NCSTN: variants seen among roughly 807,000 people sequenced by gnomAD.
The protein encoded by NCSTN is anterior pharynx-defective 2.
A neutral mutation model predicts 87.0 loss-of-function variants in NCSTN; 22 were observed. That is an observed-to-expected ratio of 0.25 (90% CI 0.18 to 0.36). The LOEUF is 0.36. NCSTN is among the 10% of genes least tolerant of loss of function. The probability of loss-of-function intolerance (pLI) is 1.00; values close to 1 mark genes in which losing one functional copy is unlikely to be tolerated. For synonymous variants in NCSTN, 306 were observed against 327.1 expected (o/e 0.94, Z 0.69); for missense variants, 693 against 883.3 (o/e 0.78, Z 2.73).
chr1:160,344,355 A>G, intron 1 of NCSTN: 5 of 976,798 alleles, frequency 5.1e-6, no homozygotes, highest in Non-Finnish European at 7.3e-6. Context: ...GCACCTGTGT[A>G]TTAACCAATT....
chr1:160,353,227 T>A lies in NCSTN; in HGVS notation c.1169T>A (p.Val390Glu). The A allele has an allele frequency of 6.2e-7, 1 of 1,614,170 alleles. No individual in the cohort carries two copies. Among genetic ancestry groups the A allele is most frequent in the Non-Finnish European group, 8.5e-7 (1 of 1,180,026 alleles). Reference sequence around the variant, plus strand: ...CCTGTTTCTCAGAAAAATGAGTCTGTACGGAACCAGGTAACCTGAGCATCT... The same window carrying A: ...CCTGTTTCTCAGAAAAATGAGTCTGAACGGAACCAGGTAACCTGAGCATCT... ...TDPVSQKNES[V>E]RNQVEDLLAT... The change falls in exon 10 of 17, where the codon GTA (valine) becomes GAA (glutamate). Residue 390 changes from valine (V) to glutamate (E), a missense_variant. Around this residue, in one of 4 missense-constraint regions of NCSTN, gnomAD observed 108 missense variants for 111.6 expected, o/e 0.97. Transcript: ENST00000294785.
In NCSTN at chr1:160,356,696, T is replaced by C; in HGVS notation, c.1736T>C (p.Val579Ala). The C allele has an allele frequency of 6.2e-7, 1 of 1,614,196 alleles. No individual in the cohort carries two copies. The highest frequency in any genetic ancestry group is 8.5e-7 in the Non-Finnish European group (1 of 1,180,032). ...YALANLTGTV[V>A]NLTREQCQDP... is the part of the protein sequence containing the mutation. ...TTGGCAAATTTGACTGGCACAGTGG[T>C]CAACCTCACCCGAGAGCAGTGCCAG... Residue 579 changes from valine (V) to alanine (A), a missense_variant, in exon 15 of 17, where the codon GTC (valine) becomes GCC (alanine). Around this residue, in one of 4 missense-constraint regions of NCSTN, gnomAD observed 216 missense variants for 311.7 expected, o/e 0.69. Transcript: ENST00000294785.
At chr1:160,350,004 G>A in intron 4 of NCSTN, 101 bp from the exon 5 acceptor site, 3 of 1,420,322 alleles carry the variant, frequency 2.1e-6, no homozygotes, top group Non-Finnish European at 3.0e-6. Context: ...ACCTCCTTTT[G>A]AACTCTTAGT....
rs201147560 is a variant in NCSTN, at chr1:160,352,999, G to T, written c.1101+8G>T. 1.2e-6 allele frequency: 2 copies of T among 1,607,544 alleles called. No homozygotes were observed. Among genetic ancestry groups the T allele is most frequent in the Non-Finnish European group, 1.7e-6 (2 of 1,174,044 alleles). On this transcript the variant is annotated splice_region_variant and intron_variant, in intron 9 of 16. Transcript: ENST00000294785. ...TTTGTGGAGCTGGGACAGGTATGTG[G>T]CATGTCCCCCAGCCCCTTCCTTTTT...
At chr1:160,347,552 G>A (rs1374097911) in intron 2 of NCSTN, among the ~76,000 whole-genome samples, 3 of 152,160 alleles carry the variant, frequency 2.0e-5, no homozygotes, top group Non-Finnish European at 4.4e-5. Flanking sequence ...TTAGAATCCA[G>A]GTTTTTTTCA....
chr1:160,352,087 C>T lies in NCSTN; in HGVS notation c.877C>T (p.Pro293Ser). Residue 293 changes from proline (P) to serine (S), a missense_variant, in exon 8 of 17, where the codon CCA becomes TCA. Pro to Ser is a moderately conservative substitution (Grantham distance 74). Transcript: ENST00000294785. ...TCGTTCCTTTTTCTGGAATGTGGCCCCAGGGGCTGAAAGCGCAGTGGCTTC... is the reference window on the plus strand; with the variant it reads ...TCGTTCCTTTTTCTGGAATGTGGCCTCAGGGGCTGAAAGCGCAGTGGCTTC... ...DSRSFFWNVAPGAESAVASFV... is the reference protein window; with the variant it reads ...DSRSFFWNVASGAESAVASFV... 1 of 1,614,186 alleles carries T rather than the reference C, an allele frequency of 6.2e-7. No homozygotes were observed. Among genetic ancestry groups the T allele is most frequent in the South Asian group, 1.1e-5 (1 of 91,080 alleles).
chr1:160,344,392 C>A, intron 1 of NCSTN: 1 of 1,278,602 alleles, frequency 7.8e-7, no homozygotes, highest in South Asian at 1.6e-5. Flanking sequence ...GATATACAAG[C>A]AGAAGTGTGA....
intron 14 of NCSTN, 109 bp downstream of exon 14, chr1:160,356,456 AC>A (rs1649134162): frequency 7.1e-7 from 1 of 1,416,672 alleles, no homozygotes; most frequent in Non-Finnish European, 9.9e-7. Context: ...TGTTTTTCTT[AC>A]CCCCTGTTTT....
At chr1:160,356,441 C>G in intron 14 of NCSTN, 94 bp downstream of exon 14, 1 of 1,439,092 alleles carries the variant, frequency 6.9e-7, no homozygotes, top group Non-Finnish European at 9.7e-7. Flanking sequence ...TTTCTTTTTC[C>G]TCTCTGTTTT....
intron 2 of NCSTN, among the ~76,000 whole-genome samples, chr1:160,347,236 T>C (rs769479728): frequency 1.8e-4 from 28 of 152,236 alleles, no homozygotes; most frequent in Non-Finnish European, 3.1e-4. Context: ...TACTTCGTCA[T>C]ATCTGTCTTT....
Position 160,350,200 on chromosome 1 carries a change from T to C in NCSTN, c.532T>C (p.Phe178Leu). The change falls in exon 5 of 17, where the codon TTC becomes CTC. Residue 178 changes from phenylalanine (F) to leucine (L), a missense_variant. Coordinates refer to ENST00000294785, the MANE Select transcript of NCSTN (RefSeq NM_015331.3). ...TGGTTTGGCTTATGAAGACTTTAGT[T>C]TCCCCATCTTTCTTCTTGAAGATGA... ...GNGLAYEDFSFPIFLLEDENE... is the reference protein window; with the variant it reads ...GNGLAYEDFSLPIFLLEDENE... 6.2e-7 allele frequency: 1 copy of C among 1,614,194 alleles called. No individual in the cohort carries two copies. Among genetic ancestry groups the C allele is most frequent in the Middle Eastern group, 1.6e-4 (1 of 6,062 alleles).
Position 160,351,357 on chromosome 1 carries a change from T to G in NCSTN, c.718T>G (p.Phe240Val). ...GCGGCGCAGCTCCATCCAAAGCACC[T>G]TCAGCATCAACCCAGGTAGGGCAGA... ...CMRRSSIQST[F>V]SINPEIVCDP... Residue 240 changes from phenylalanine to valine, a missense_variant, in exon 6 of 17, where the codon TTC (phenylalanine) becomes GTC (valine). Physicochemically the swap from Phe to Val is conservative, Grantham distance 50 (BLOSUM62 -1). Around this residue, in one of 4 missense-constraint regions of NCSTN, gnomAD observed 134 missense variants for 226.0 expected, o/e 0.59. Transcript: ENST00000294785. 6.2e-7 allele frequency: 1 copy of G among 1,614,152 alleles called. No homozygotes were observed. The highest frequency in any genetic ancestry group is 8.5e-7 in the Non-Finnish European group (1 of 1,180,032).
intron 2 of NCSTN, among the ~76,000 whole-genome samples, chr1:160,347,909 C>T (rs1002371578): frequency 1.1e-4 from 17 of 152,206 alleles, no homozygotes; most frequent in African/African-American, 3.6e-4. Context: ...CCACTGTGCC[C>T]GGCCGAAGTT....
At chr1:160,349,725 T>A (rs1299514632) in intron 4 of NCSTN, 55 bp downstream of exon 4, 1 of 1,605,514 alleles carries the variant, frequency 6.2e-7, no homozygotes, top group African/African-American at 1.3e-5. Context: ...TCACTGTTGC[T>A]TCGGTCTTAC....
rs1295473259 is a variant in NCSTN, at chr1:160,344,933, G to A, written c.190+107G>A. ...GGAGATTTGACACTTATATTGGACT[G>A]TATGTAGGCAGTTACAGATAACCGT... is the stretch of plus-strand genomic sequence containing the variant. On this transcript the variant is annotated intron_variant, in intron 2 of 16. Coordinates refer to ENST00000294785, the MANE Select transcript of NCSTN (RefSeq NM_015331.3). 3.4e-5 allele frequency: 31 copies of A among 911,888 alleles called. No homozygotes were observed. The South Asian group carries it at 3.5e-4, about 10-fold the overall frequency. 56.5% of individuals were successfully genotyped at this position (911,888 alleles called of 1,614,324 possible).
intron 2 of NCSTN, chr1:160,345,155 T>C (rs138584460): frequency 7.6e-6 from 3 of 393,834 alleles, no homozygotes; most frequent in African/African-American, 2.1e-5. Context: ...TGGTAATAAG[T>C]GATGATGCCA....
In NCSTN at chr1:160,349,603, G is replaced by A; in HGVS notation, c.369G>A (p.Val123=). 1 of 1,614,112 alleles carries A rather than the reference G, an allele frequency of 6.2e-7. No homozygotes were observed. Among genetic ancestry groups the A allele is most frequent in the Non-Finnish European group, 8.5e-7 (1 of 1,179,970 alleles). Residue 123 remains valine, a synonymous_variant, in exon 4 of 17, where the codon GTG becomes GTA. Transcript: ENST00000294785. ...CCAGCCGAATTGCTGGTCTTGCAGT[G>A]TCCTTGACCAAGCCCAGTCCTGCCT... The part of the protein sequence containing the change: ...GRTSRIAGLA[V]SLTKPSPASG...
chr1:160,351,477 C>A, intron 6 of NCSTN, 105 bp downstream of exon 6: 1 of 1,409,136 alleles, frequency 7.1e-7, no homozygotes, highest in Non-Finnish European at 9.9e-7. Flanking sequence ...GAGTAGACAC[C>A]ATGAAGGAGC....
At chr1:160,353,619 T>G in intron 10 of NCSTN, 1 of 1,191,242 alleles carries the variant, frequency 8.4e-7, no homozygotes, top group Non-Finnish European at 1.1e-6. Flanking sequence ...CTTTCCTCAT[T>G]GCTTGTTCAA....
Sources: gnomAD v4.1 joint callset for allele counts (sites outside exome capture counted in the v4.1 genomes callset) on GRCh38, gnomAD v4.1.1 for gene constraint, gnomAD v4.1.1 regional missense constraint, MANE v1.5 for transcripts, NCBI Gene and HGNC (gene_info 2026-07-23, HGNC 2026-07-21) for gene names.